The following FFAR4 variants were observed in gnomAD, a reference collection of about 807,000 sequenced individuals.
FFAR4 encodes the protein free fatty acid receptor 4, also known as G-protein coupled receptor 120.
Under a neutral mutation model 27.0 loss-of-function variants are expected in FFAR4, and 19 were observed. The ratio of observed to expected loss-of-function variants is 0.70; its 90% CI spans 0.49 to 1.03. FFAR4 has a LOEUF of 1.03. Ranked by LOEUF, FFAR4 falls within the 50% of genes least tolerant of loss-of-function variation. FFAR4 has a pLI of 0.00. For synonymous variants in FFAR4, 254 were observed against 215.6 expected (o/e 1.18, Z -1.56); for missense variants, 476 against 479.0 (o/e 0.99, Z 0.06).
At chr10:93,582,776 A>G (rs1449910553) in intron 2 of FFAR4, among the ~76,000 whole-genome samples, 2 of 152,170 alleles carry the variant, frequency 1.3e-5, no homozygotes, top group Non-Finnish European at 2.9e-5. Context: ...TGGGCAATTT[A>G]TACAGAAAAG....
At chr10:93,567,400 T>A in intron 1 of FFAR4, 113 bp downstream of exon 1, 1 of 907,130 alleles carries the variant, frequency 1.1e-6, no homozygotes, top group Non-Finnish European at 1.6e-6. Context: ...TTTATTGCAC[T>A]TAATCGTTGT....
chr10:93,574,767 TC>T lies in FFAR4; in HGVS notation c.568-1322del, dbSNP rs367548349. ...AAATTAGCTGGTCATGGTGGCGTGC[TC>T]CTGTGGTCCCAGCTACTCGGGAGGC... On this transcript the variant is annotated intron_variant, in intron 1 of 2. Transcript: ENST00000371481. 2.8e-4 allele frequency among the ~76,000 whole-genome samples: 42 copies of T among 151,348 alleles called. No individual in the cohort carries two copies. In the East Asian group the frequency reaches 5.8e-3, roughly 21 times the overall value.
At chr10:93,585,031 A>G (rs550233452) in intron 2 of FFAR4, among the ~76,000 whole-genome samples, 1 of 152,190 alleles carries the variant, frequency 6.6e-6, no homozygotes, top group Non-Finnish European at 1.5e-5. Context: ...TCTAACGGGA[A>G]TATTTTCAGC....
At chr10:93,578,596 A>G (rs1215646711) in intron 2 of FFAR4, among the ~76,000 whole-genome samples, 1 of 152,130 alleles carries the variant, frequency 6.6e-6, no homozygotes, top group African/African-American at 2.4e-5. Context: ...TCTGCAAAAT[A>G]GCAAACATAA....
At chr10:93,577,015 C>T (rs1405012041) in intron 2 of FFAR4, among the ~76,000 whole-genome samples, 1 of 152,166 alleles carries the variant, frequency 6.6e-6, no homozygotes, top group African/African-American at 2.4e-5. Flanking sequence ...TGCTACTCCA[C>T]CCACCCCCAG....
In FFAR4 at chr10:93,584,794, C is replaced by T. The variant is rs148007309; in HGVS notation, c.697-2426C>T. On this transcript the variant is annotated intron_variant, in intron 2 of 2. Transcript: ENST00000371481. ...CAATCTCGGCTCATTGCAACCTCCA[C>T]CTCCTGGGATCAAGCGATTCTCATG... Among the ~76,000 whole-genome samples, 1,408 of 152,190 alleles carry T rather than the reference C, an allele frequency of 9.3e-3. 26 individuals are homozygous for T. The highest frequency in any genetic ancestry group is 0.033 in the African/African-American group (1,351 of 41,502).
rs1214962953 is a variant in FFAR4, at chr10:93,566,824, A to T, written c.104A>T (p.His35Leu). 2 of 1,603,842 alleles carry T rather than the reference A, an allele frequency of 1.2e-6. No individual in the cohort carries two copies. The highest frequency in any genetic ancestry group is 1.7e-6 in the Non-Finnish European group (2 of 1,176,716). The change falls in exon 1 of 3, where the codon CAC becomes CTC. Residue 35 changes from histidine (H) to leucine (L), a missense_variant. Physicochemically the swap from His to Leu is moderately conservative, Grantham distance 99. Transcript: ENST00000371481. ...FPFFSDVKGD[H>L]RLVLAAVETT... ...TTCTTCTCCGACGTCAAGGGCGACC[A>T]CCGGCTGGTGCTGGCCGCGGTGGAG...
At chr10:93,579,078 C>G (rs929161473) in intron 2 of FFAR4, 39 of 1,288,932 alleles carry the variant, frequency 3.0e-5, no homozygotes, top group Non-Finnish European at 4.2e-5. Flanking sequence ...TCCTTTTAGC[C>G]ACCCACCTCT....
chr10:93,583,870 A>G (rs563946390), intron 2 of FFAR4, among the ~76,000 whole-genome samples: 1 of 152,366 alleles, frequency 6.6e-6, no homozygotes, highest in East Asian at 1.9e-4. Context: ...AGCCTTCATC[A>G]ACATCACTCA....
At chr10:93,567,320 TC>T in intron 1 of FFAR4, 33 bp downstream of exon 1, 1 of 1,578,254 alleles carries the variant, frequency 6.3e-7, no homozygotes, top group African/African-American at 1.3e-5. Flanking sequence ...CGGGCAGGTG[TC>T]CTGCGCAGGC....
chr10:93,579,130 C>G (rs769973608), intron 2 of FFAR4: 5 of 1,611,892 alleles, frequency 3.1e-6, no homozygotes, highest in Admixed American at 3.3e-5. Context: ...TCTAAACCCA[C>G]AGCCGGCCTT....
intron 1 of FFAR4, among the ~76,000 whole-genome samples, chr10:93,569,462 C>T (rs78018983): frequency 0.033 from 5,028 of 152,262 alleles, 235 homozygotes; most frequent in African/African-American, 0.11. Context: ...CACTTAGTAC[C>T]GCACCACTGT....
chr10:93,567,578 GGGGTGCA>G (rs2058106513), intron 1 of FFAR4, among the ~76,000 whole-genome samples: 1 of 152,198 alleles, frequency 6.6e-6, no homozygotes, highest in South Asian at 2.1e-4. Flanking sequence ...CGGAACTTTG[GGGGTGCA>G]GGGTGGCCAA....
intron 2 of FFAR4, among the ~76,000 whole-genome samples, chr10:93,576,608 A>G (rs2058165531): frequency 6.6e-6 from 1 of 152,174 alleles, no homozygotes; most frequent in South Asian, 2.1e-4. Flanking sequence ...ACCATATGAA[A>G]TTGCAGGTTA....
chr10:93,575,277 A>G (rs1186322522), intron 1 of FFAR4, among the ~76,000 whole-genome samples: 1 of 152,246 alleles, frequency 6.6e-6, no homozygotes, highest in East Asian at 1.9e-4. Context: ...GGAAGTTAGT[A>G]TATACAGACA....
At position 93,566,705 on chromosome 10, in the gene FFAR4, C is replaced by A. The variant is rs760326018; in HGVS notation, c.-16C>A. ...GAGCACTCTCTCAGACCGCTGCGGG[C>A]CGCCAGGCGCCGGGAATGTCCCCTG... On this transcript the variant is annotated 5_prime_UTR_variant, in exon 1 of 3. Coordinates refer to ENST00000371481, the MANE Select transcript of FFAR4 (RefSeq NM_001195755.2). 2 of 1,533,726 alleles carry A rather than the reference C, an allele frequency of 1.3e-6. No individual in the cohort carries two copies. Among genetic ancestry groups the A allele is most frequent in the East Asian group, 2.3e-5 (1 of 42,866 alleles).
chr10:93,571,814 G>T (rs1399558213), intron 1 of FFAR4, among the ~76,000 whole-genome samples: 1 of 152,200 alleles, frequency 6.6e-6, no homozygotes, highest in African/African-American at 2.4e-5. Context: ...TAATCTTGAA[G>T]TCTTCCATGT....
At chr10:93,571,627 T>G (rs548401496) in intron 1 of FFAR4, among the ~76,000 whole-genome samples, 222 of 152,344 alleles carry the variant, frequency 1.5e-3, no homozygotes, top group Non-Finnish European at 2.6e-3. Context: ...TTCATGTGTC[T>G]CTGCTGAGTG....
chr10:93,573,148 G>T (rs1466617416), intron 1 of FFAR4, among the ~76,000 whole-genome samples: 2 of 152,136 alleles, frequency 1.3e-5, no homozygotes, highest in Admixed American at 6.5e-5. Flanking sequence ...GTGTCCTAGC[G>T]CTTCTCTGCC....
Sources: gnomAD v4.1 joint callset for allele counts (sites outside exome capture counted in the v4.1 genomes callset) on GRCh38, gnomAD v4.1.1 for gene constraint, MANE v1.5 for transcripts, NCBI Gene and HGNC (gene_info 2026-07-23, HGNC 2026-07-21) for gene names.